The following ADGRL3 variants were observed in gnomAD, a reference collection of about 807,000 sequenced individuals.
ADGRL3 encodes the protein adhesion G protein-coupled receptor L3.
Under a neutral mutation model 153.5 loss-of-function variants are expected in ADGRL3, and 62 were observed. The observed-to-expected ratio is 0.40, with a 90% confidence interval of 0.33 to 0.50. The LOEUF (loss-of-function observed/expected upper bound fraction) is 0.50. ADGRL3 is among the 20% of genes least tolerant of loss of function. The pLI, the probability that ADGRL3 is intolerant of heterozygous loss-of-function variation, is 0.47. For synonymous variants in ADGRL3, 710 were observed against 672.5 expected, an observed-to-expected ratio of 1.06 and a Z score of -0.86; for missense variants, 1,641 against 1,859.4, an observed-to-expected ratio of 0.88 and a Z score of 2.16.
chr4:61,365,224 T>C (rs1382737349), intron 1 of ADGRL3, among the ~76,000 whole-genome samples: 1 of 147,336 alleles, frequency 6.8e-6, no homozygotes, highest in East Asian at 2.0e-4. Context: ...ACTGAGTTTA[T>C]TTGACTGGAA....
At chr4:61,622,761 A>AT (rs1205913517) in intron 5 of ADGRL3, among the ~76,000 whole-genome samples, 3 of 152,058 alleles carry the variant, frequency 2.0e-5, no homozygotes, top group Non-Finnish European at 4.4e-5. Flanking sequence ...GGATTTGAAT[A>AT]TTTTTTCTCA....
chr4:61,571,438 A>C (rs1223401137), intron 4 of ADGRL3, among the ~76,000 whole-genome samples: 1 of 152,144 alleles, frequency 6.6e-6, no homozygotes, highest in Admixed American at 6.6e-5. Context: ...GCTTAGGCCC[A>C]GGAGTTCAAG....
At chr4:61,488,358 G>A (rs909982610) in intron 2 of ADGRL3, among the ~76,000 whole-genome samples, 6 of 151,980 alleles carry the variant, frequency 3.9e-5, no homozygotes, top group Non-Finnish European at 8.8e-5. Flanking sequence ...TTATTTGCCA[G>A]TGTTTCAGAT....
rs186464009 is a variant in ADGRL3, at chr4:61,465,801, G to A, written c.-173-31320G>A. ...TATCTTATATGGAATATATATTTTC[G>A]TTATATAATCATAACAAAATAAAAA... is the stretch of plus-strand genomic sequence containing the variant. On this transcript the variant is annotated intron_variant, in intron 2 of 26. Transcript: ENST00000683033. Among the ~76,000 whole-genome samples, 93 of 108,994 alleles carry A rather than the reference G, an allele frequency of 8.5e-4. No individual in the cohort carries two copies. The East Asian group carries it at 0.019, about 23-fold the overall frequency. The allele number at this position is 108,994 out of a possible 152,430, so 71.5% of individuals were successfully genotyped here.
intron 9 of ADGRL3, among the ~76,000 whole-genome samples, chr4:61,846,952 G>A (rs1349392257): frequency 6.7e-6 from 1 of 148,762 alleles, no homozygotes; most frequent in African/African-American, 2.5e-5. Context: ...TATATTATGT[G>A]TGTGTGTGTG....
chr4:61,318,104 G>A (rs1344182258), intron 1 of ADGRL3, among the ~76,000 whole-genome samples: 1 of 151,252 alleles, frequency 6.6e-6, no homozygotes, highest in East Asian at 2.0e-4. Flanking sequence ...TTGAACCTGG[G>A]GGGCGTAGGT....
intron 3 of ADGRL3, among the ~76,000 whole-genome samples, chr4:61,503,914 G>T (rs1366705014): frequency 6.6e-6 from 1 of 151,926 alleles, no homozygotes; most frequent in African/African-American, 2.4e-5. Flanking sequence ...AAGGCTATTT[G>T]CCTGGAGTTA....
At chr4:61,538,333 T>G (rs191349350) in intron 4 of ADGRL3, among the ~76,000 whole-genome samples, 2 of 152,162 alleles carry the variant, frequency 1.3e-5, no homozygotes, top group African/African-American at 4.8e-5. Context: ...GATGTGTGAG[T>G]TGACACACCA....
chr4:61,867,465 A>C (rs2098407509), intron 9 of ADGRL3, among the ~76,000 whole-genome samples: 1 of 140,196 alleles, frequency 7.1e-6, no homozygotes, highest in Non-Finnish European at 1.6e-5. Context: ...GTGCCGCTGC[A>C]CTCCAGCCTG....
At chr4:61,510,743 C>T (rs945209073) in intron 3 of ADGRL3, among the ~76,000 whole-genome samples, 5 of 152,042 alleles carry the variant, frequency 3.3e-5, no homozygotes, top group Non-Finnish European at 7.4e-5. Context: ...GCTATTGGGG[C>T]TCTTTTTTGA....
chr4:61,879,630 G>C (rs961108835), intron 9 of ADGRL3, among the ~76,000 whole-genome samples: 3 of 152,132 alleles, frequency 2.0e-5, no homozygotes, highest in African/African-American at 7.2e-5. Context: ...ACATGCACTT[G>C]TGGAAAGCAA....
chr4:61,516,862 T>C (rs2098498946), intron 3 of ADGRL3, among the ~76,000 whole-genome samples: 1 of 152,164 alleles, frequency 6.6e-6, no homozygotes, highest in Non-Finnish European at 1.5e-5. Flanking sequence ...TCTGGGACTT[T>C]CTTTACCCAT....
Position 61,755,929 on chromosome 4 carries a change from T to G in ADGRL3, c.1399+22375T>G, listed in dbSNP as rs534594321. ...AGGTTTGTCAGAGATCAGATGGTTG[T>G]AGATATGCGGCATTATATCTGAGGG... On this transcript the variant is annotated intron_variant, in intron 8 of 26. Coordinates refer to ENST00000683033, the MANE Select transcript of ADGRL3 (RefSeq NM_001387552.1). Among the ~76,000 whole-genome samples the G allele has an allele frequency of 2.7e-3, 417 of 152,288 alleles. 2 individuals are homozygous for G. The highest frequency in any genetic ancestry group is 9.6e-3 in the African/African-American group (397 of 41,552).
chr4:61,228,681 A>G (rs1305584919), intron 1 of ADGRL3, among the ~76,000 whole-genome samples: 1 of 152,156 alleles, frequency 6.6e-6, no homozygotes, highest in Non-Finnish European at 1.5e-5. Flanking sequence ...ATTTGTCTTT[A>G]TGTCTGAACT....
chr4:61,683,137 G>C (rs1157760580), intron 6 of ADGRL3, among the ~76,000 whole-genome samples: 1 of 144,642 alleles, frequency 6.9e-6, no homozygotes, highest in Non-Finnish European at 1.5e-5. Context: ...TTTTGAGACA[G>C]GGTCTTGCTC....
intron 23 of ADGRL3, among the ~76,000 whole-genome samples, chr4:62,034,802 T>C (rs758070576): frequency 2.6e-4 from 39 of 151,956 alleles, no homozygotes; most frequent in Non-Finnish European, 5.0e-4. Flanking sequence ...AGTTTTCCAC[T>C]GGTCACATTA....
At chr4:61,374,626 G>A (rs1245551866) in intron 1 of ADGRL3, among the ~76,000 whole-genome samples, 1 of 151,872 alleles carries the variant, frequency 6.6e-6, no homozygotes, top group Non-Finnish European at 1.5e-5. Context: ...GTGGGAAGGG[G>A]GCAGAGAAAA....
chr4:61,979,494 A>G (rs2099059990), intron 17 of ADGRL3, 69 bp from the exon 18 acceptor site: 4 of 1,226,766 alleles, frequency 3.3e-6, no homozygotes, highest in Non-Finnish European at 4.8e-6. Flanking sequence ...TTGTGCATCC[A>G]GGCCCTTATA....
intron 8 of ADGRL3, among the ~76,000 whole-genome samples, chr4:61,779,440 C>G (rs979804626): frequency 3.3e-5 from 5 of 151,626 alleles, no homozygotes; most frequent in Non-Finnish European, 7.4e-5. Context: ...TGAGACCAGC[C>G]TGGCCAACAT....
Sources: allele counts gnomAD v4.1 joint callset (sites outside exome capture counted in the v4.1 genomes callset), GRCh38; gene constraint gnomAD v4.1.1; transcripts MANE v1.5; gene names NCBI Gene and HGNC (gene_info 2026-07-23, HGNC 2026-07-21).